The following ABCB1 variants were observed in gnomAD, a reference collection of about 807,000 sequenced individuals.
The protein encoded by ABCB1 is ATP binding cassette subfamily B member 1.
Under a neutral mutation model 142.0 loss-of-function variants are expected in ABCB1, and 69 were observed. The ratio of observed to expected loss-of-function variants is 0.49; its 90% confidence interval spans 0.40 to 0.59. ABCB1 has a LOEUF of 0.59. Ranked by LOEUF, ABCB1 falls within the 20% of genes least tolerant of loss-of-function variation. The pLI is 0.00. For missense variants in ABCB1, 1,326 were observed against 1,554.7 expected, an observed-to-expected ratio of 0.85 and a Z score of 2.47; for synonymous variants, 532 against 539.2, an observed-to-expected ratio of 0.99 and a Z score of 0.18.
rs559111102 is a variant in ABCB1, at chr7:87,652,929, T to C, written c.-330-51851A>G. Among the ~76,000 whole-genome samples the C allele has an allele frequency of 1.1e-3, 169 of 152,090 alleles. 1 individual carries two copies. The highest frequency in any genetic ancestry group is 3.9e-3 in the African/African-American group (164 of 41,522). ...ACTTTTCTACAACTACTGGTTATTT[T>C]TGAAGTAAAAGGACATTTGTTTTCA... On this transcript the variant is annotated intron_variant, in intron 1 of 28. Transcript: ENST00000265724.
intron 1 of ABCB1, among the ~76,000 whole-genome samples, chr7:87,710,990 TTTTTC>T (rs1830024172): frequency 6.6e-6 from 1 of 152,156 alleles, no homozygotes; most frequent in Admixed American, 6.5e-5. Flanking sequence ...AATAGCATCT[TTTTTC>T]TTTTCACCTC....
chr7:87,710,549 A>G (rs1407928838), intron 1 of ABCB1: 2 of 1,421,532 alleles, frequency 1.4e-6, no homozygotes, highest in East Asian at 2.3e-5. Flanking sequence ...TTTATATTTG[A>G]TTCTTTCTTC....
chr7:87,711,158 C>G (rs1444613104), intron 1 of ABCB1, among the ~76,000 whole-genome samples: 1 of 151,938 alleles, frequency 6.6e-6, no homozygotes, highest in Non-Finnish European at 1.5e-5. Context: ...TAAACCCCGT[C>G]TCTACTCAAA....
At chr7:87,677,274 AACACACAC>A (rs57009840) in intron 1 of ABCB1, among the ~76,000 whole-genome samples, 3 of 135,898 alleles carry the variant, frequency 2.2e-5, no homozygotes, top group Non-Finnish European at 3.1e-5. Flanking sequence ...CAGTGTATAT[AACACACAC>A]ACACACACAC....
intron 1 of ABCB1, among the ~76,000 whole-genome samples, chr7:87,628,129 G>C (rs1820786644): frequency 1.3e-5 from 2 of 152,188 alleles, no homozygotes; most frequent in African/African-American, 2.4e-5. Flanking sequence ...GCAAGGGGGG[G>C]GCAATAGGCC....
At chr7:87,545,118 A>G (rs1816716415) in intron 15 of ABCB1, 119 bp from the exon 16 acceptor site, 3 of 869,408 alleles carry the variant, frequency 3.5e-6, no homozygotes, top group Admixed American at 4.1e-5. Context: ...GCAGAAAAGG[A>G]TAAAGCTAAT....
intron 1 of ABCB1, among the ~76,000 whole-genome samples, chr7:87,628,012 A>C (rs1820774746): frequency 6.6e-6 from 1 of 152,102 alleles, no homozygotes; most frequent in South Asian, 2.1e-4. Flanking sequence ...CCTTCTTAGT[A>C]CTTAGGCCCA....
At chr7:87,526,073 T>A (rs1232550111) in intron 21 of ABCB1, among the ~76,000 whole-genome samples, 1 of 152,166 alleles carries the variant, frequency 6.6e-6, no homozygotes, top group African/African-American at 2.4e-5. Flanking sequence ...CTCATCTTTA[T>A]CAAGTCATCT....
intron 14 of ABCB1, 64 bp downstream of exon 14, chr7:87,549,284 A>T: frequency 6.3e-7 from 1 of 1,599,898 alleles, no homozygotes; most frequent in Non-Finnish European, 8.6e-7. Flanking sequence ...AATATTAACA[A>T]GAATTAGTAG....
chr7:87,601,734 T>C (rs1193268124), upstream of ABCB1, among the ~76,000 whole-genome samples: 1 of 152,270 alleles, frequency 6.6e-6, no homozygotes, highest in Non-Finnish European at 1.5e-5. Flanking sequence ...TTACTTCTTA[T>C]GAACATAGAG....
At chr7:87,580,773 CA>C (rs1818472393) in intron 4 of ABCB1, among the ~76,000 whole-genome samples, 1 of 151,988 alleles carries the variant, frequency 6.6e-6, no homozygotes, top group African/African-American at 2.4e-5. Context: ...GTGTGTATTT[CA>C]AATAGCCTGT....
intron 1 of ABCB1, chr7:87,629,094 C>A: frequency 1.4e-6 from 1 of 729,502 alleles, no homozygotes; most frequent in Non-Finnish European, 1.9e-6. Context: ...GAGCGCGCAG[C>A]TCCTTGGACA....
chr7:87,555,070 A>G (rs905932444), intron 8 of ABCB1, among the ~76,000 whole-genome samples: 1 of 152,224 alleles, frequency 6.6e-6, no homozygotes, highest in Non-Finnish European at 1.5e-5. Context: ...AAGTTAAAGG[A>G]GATGATGTCT....
At chr7:87,615,390 C>A (rs1382742316) in intron 1 of ABCB1, among the ~76,000 whole-genome samples, 1 of 152,152 alleles carries the variant, frequency 6.6e-6, no homozygotes, top group Non-Finnish European at 1.5e-5. Context: ...GAGATGATGT[C>A]AGAGAAGTGA....
At chr7:87,516,263 T>TA (rs1046823703) in intron 24 of ABCB1, among the ~76,000 whole-genome samples, 5 of 152,114 alleles carry the variant, frequency 3.3e-5, no homozygotes, top group Admixed American at 2.6e-4. Context: ...AAATTGTTTT[T>TA]AAAAAATCTG....
intron 1 of ABCB1, chr7:87,627,878 G>A (rs1820764998): frequency 6.6e-6 from 1 of 152,382 alleles, no homozygotes; most frequent in Admixed American, 6.5e-5. Context: ...ATGGTGTGGA[G>A]GGGCAAGAAA....
intron 8 of ABCB1, among the ~76,000 whole-genome samples, chr7:87,559,841 C>G (rs1725285498): frequency 6.6e-6 from 1 of 152,116 alleles, no homozygotes; most frequent in African/African-American, 2.4e-5. Context: ...CAGGAAGAAG[C>G]TGTTAAGTTT....
chr7:87,558,935 T>C (rs1817428828), intron 8 of ABCB1, among the ~76,000 whole-genome samples: 1 of 152,116 alleles, frequency 6.6e-6, no homozygotes, highest in South Asian at 2.1e-4. Context: ...TTCAGGATGT[T>C]TTCAATTTGG....
Position 87,589,833 on chromosome 7 carries a change from A to G in ABCB1, c.118-4153T>C, listed in dbSNP as rs926510517. On this transcript the variant is annotated intron_variant, in intron 3 of 27. Coordinates refer to ENST00000622132, the MANE Select transcript of ABCB1 (RefSeq NM_001348946.2). ...GAGAGAGAGAGAGAGAGAGAGAGAGAGAGGGAGAGAGGGAGGGAGAGAGAG... is the reference window on the plus strand; with the variant it reads ...GAGAGAGAGAGAGAGAGAGAGAGAGGGAGGGAGAGAGGGAGGGAGAGAGAG... 6.2e-5 allele frequency among the ~76,000 whole-genome samples: 9 copies of G among 146,190 alleles called. No homozygotes were observed. In the East Asian group the frequency reaches 1.8e-3, roughly 29 times the overall value.
Sources: allele counts gnomAD v4.1 joint callset (sites outside exome capture counted in the v4.1 genomes callset), GRCh38; gene constraint gnomAD v4.1.1; transcripts MANE v1.5; gene names NCBI Gene and HGNC (gene_info 2026-07-23, HGNC 2026-07-21).